The following FNDC3A variants were observed in gnomAD, a reference collection of about 807,000 sequenced individuals.
FNDC3A encodes the protein fibronectin type III domain containing 3A, also known as fibronectin type-III domain-containing protein 3A.
Under a neutral mutation model 148.9 loss-of-function variants are expected in FNDC3A, and 32 were observed. That is an observed-to-expected ratio of 0.21 (90% CI 0.16 to 0.29). FNDC3A has a LOEUF of 0.29. Among genes scored for constraint, FNDC3A ranks in the 10% least tolerant of loss-of-function variants. The pLI is 1.00. For synonymous variants in FNDC3A, 472 were observed against 473.6 expected, an observed-to-expected ratio of 1.00 and a Z score of 0.04; for missense variants, 1,191 against 1,452.8, an observed-to-expected ratio of 0.82 and a Z score of 2.93.
At chr13:49,001,397 T>C (rs573516722) in intron 1 of FNDC3A, among the ~76,000 whole-genome samples, 27 of 152,334 alleles carry the variant, frequency 1.8e-4, no homozygotes, top group Non-Finnish European at 2.6e-4. Context: ...AGAGCATGTC[T>C]GTTTGAACAA....
chr13:49,110,453 A>C (rs1340030024), intron 3 of FNDC3A: 1 of 1,256,174 alleles, frequency 8.0e-7, no homozygotes, highest in South Asian at 1.2e-5. Context: ...TTAAGACAGA[A>C]AGCATTGTAT....
At chr13:49,203,745 T>G (rs535732080) in intron 25 of FNDC3A, among the ~76,000 whole-genome samples, 1 of 152,146 alleles carries the variant, frequency 6.6e-6, no homozygotes, top group Non-Finnish European at 1.5e-5. Flanking sequence ...GAGATGACTA[T>G]GGAGAGAAGA....
intron 3 of FNDC3A, among the ~76,000 whole-genome samples, chr13:49,086,699 A>G (rs1356720297): frequency 6.6e-6 from 1 of 152,170 alleles, no homozygotes; most frequent in East Asian, 1.9e-4. Flanking sequence ...TTTATACATT[A>G]CTTAAACAAC....
chr13:49,013,467 T>A (rs1164084565), intron 2 of FNDC3A, among the ~76,000 whole-genome samples: 1 of 151,954 alleles, frequency 6.6e-6, no homozygotes, highest in Non-Finnish European at 1.5e-5. Flanking sequence ...TGTGTATACA[T>A]ATGTACACGT....
At chr13:49,153,269 G>A (rs1338648831) in intron 8 of FNDC3A, among the ~76,000 whole-genome samples, 22 of 152,040 alleles carry the variant, frequency 1.4e-4, no homozygotes, top group Non-Finnish European at 2.1e-4. Context: ...CTGATGGCCA[G>A]TGATGATGAG....
chr13:48,977,171 C>T (rs551189673), intron 1 of FNDC3A, among the ~76,000 whole-genome samples: 1 of 152,168 alleles, frequency 6.6e-6, no homozygotes, highest in Non-Finnish European at 1.5e-5. Flanking sequence ...GAGTCGCAGG[C>T]TGATGAGATT....
chr13:49,080,002 G>A (rs1356604601), intron 3 of FNDC3A, among the ~76,000 whole-genome samples: 2 of 152,078 alleles, frequency 1.3e-5, no homozygotes, highest in African/African-American at 2.4e-5. Flanking sequence ...TCACTGTGTT[G>A]CCCAGGATGC....
At chr13:49,037,168 A>G (rs1874555292) in intron 2 of FNDC3A, among the ~76,000 whole-genome samples, 1 of 152,234 alleles carries the variant, frequency 6.6e-6, no homozygotes, top group Non-Finnish European at 1.5e-5. Context: ...TTGATAAAAA[A>G]TAATACTACT....
Position 49,144,029 on chromosome 13 carries a change from C to CTAA in FNDC3A, c.820-1747_820-1746insATA, listed in dbSNP as rs1225593062. Among the ~76,000 whole-genome samples, 34 of 149,824 alleles carry CTAA rather than the reference C, an allele frequency of 2.3e-4. No homozygotes were observed. The South Asian group carries it at 2.9e-3, about 13-fold the overall frequency. ...ACTACTACTGCTACTACTACTACTA[C>CTAA]TACTAATAATAATAATAATAATAAA... On this transcript the variant is annotated intron_variant, in intron 7 of 25. Coordinates refer to ENST00000492622, the MANE Select transcript of FNDC3A (RefSeq NM_001079673.2).
At chr13:49,057,066 G>C (rs889330537) in intron 2 of FNDC3A, among the ~76,000 whole-genome samples, 1 of 152,056 alleles carries the variant, frequency 6.6e-6, no homozygotes, top group African/African-American at 2.4e-5. Flanking sequence ...CATTTGTGTT[G>C]GCTTTTTCCA....
intron 8 of FNDC3A, among the ~76,000 whole-genome samples, chr13:49,162,648 C>T (rs548749647): frequency 1.1e-4 from 16 of 152,248 alleles, no homozygotes; most frequent in African/African-American, 3.9e-4. Flanking sequence ...GTTTTGTTCC[C>T]GTTGCTGGCA....
At chr13:49,059,874 T>G (rs1047165773) in intron 2 of FNDC3A, among the ~76,000 whole-genome samples, 1 of 152,176 alleles carries the variant, frequency 6.6e-6, no homozygotes, top group African/African-American at 2.4e-5. Flanking sequence ...TTGAAAAACT[T>G]TTCTCCAAAG....
At chr13:49,064,367 A>G (rs1329290447) in intron 2 of FNDC3A, among the ~76,000 whole-genome samples, 1 of 151,570 alleles carries the variant, frequency 6.6e-6, no homozygotes, top group African/African-American at 2.4e-5. Flanking sequence ...GTGGAAAAAG[A>G]AGATTGCTGA....
intron 3 of FNDC3A, among the ~76,000 whole-genome samples, chr13:49,107,245 A>AT: frequency 1.3e-5 from 2 of 152,358 alleles, no homozygotes; most frequent in East Asian, 3.9e-4. Flanking sequence ...AGTTAATGTT[A>AT]TATAGAGTTA....
chr13:49,174,767 T>C (rs1208239280), intron 12 of FNDC3A, among the ~76,000 whole-genome samples: 3 of 152,214 alleles, frequency 2.0e-5, no homozygotes, highest in Non-Finnish European at 4.4e-5. Context: ...CTTACAACTT[T>C]CCAAGATTTT....
chr13:49,118,110 C>T (rs1388177131), intron 4 of FNDC3A, among the ~76,000 whole-genome samples: 1 of 152,102 alleles, frequency 6.6e-6, no homozygotes, highest in African/African-American at 2.4e-5. Flanking sequence ...ACAGGGTAAT[C>T]CAAAGACAAA....
intron 3 of FNDC3A, among the ~76,000 whole-genome samples, chr13:49,099,331 A>C (rs1215284362): frequency 6.6e-6 from 1 of 152,020 alleles, no homozygotes; most frequent in Non-Finnish European, 1.5e-5. Flanking sequence ...TCTCTTCCTG[A>C]CCCTTGCCAG....
At chr13:49,075,143 T>A (rs929358579) in intron 2 of FNDC3A, 146 bp from the exon 3 acceptor site, 2 of 452,838 alleles carry the variant, frequency 4.4e-6, no homozygotes, top group African/African-American at 2.0e-5. Context: ...ACATTTTTTT[T>A]AGCAAACCAG....
At chr13:49,025,736 G>GA (rs201628253) in intron 2 of FNDC3A, among the ~76,000 whole-genome samples, 21 of 150,682 alleles carry the variant, frequency 1.4e-4, no homozygotes, top group South Asian at 1.3e-3. Flanking sequence ...ATGTTCTAAA[G>GA]AAAAAAAAAT....
Sources: allele counts gnomAD v4.1 joint callset (sites outside exome capture counted in the v4.1 genomes callset), GRCh38; gene constraint gnomAD v4.1.1; transcripts MANE v1.5; gene names NCBI Gene and HGNC (gene_info 2026-07-23, HGNC 2026-07-21).